Variants in TXNRD1 observed in about 807,000 individuals in gnomAD.
TXNRD1 encodes thioredoxin reductase 1.
Under a neutral mutation model 80.3 loss-of-function variants are expected in TXNRD1, and 57 were observed. That is an observed-to-expected ratio of 0.71 (90% confidence interval 0.57 to 0.89). The LOEUF (loss-of-function observed/expected upper bound fraction) is 0.89. Among genes scored for constraint, TXNRD1 ranks in the 40% least tolerant of loss-of-function variants. TXNRD1 has a pLI of 0.00. For missense variants in TXNRD1, 730 were observed against 803.0 expected (o/e 0.91, Z 1.10); for synonymous variants, 291 against 285.2 (o/e 1.02, Z -0.20).
At chr12:104,273,706 C>A (rs1325090830) in intron 3 of TXNRD1, among the ~76,000 whole-genome samples, 4 of 152,242 alleles carry the variant, frequency 2.6e-5, no homozygotes, top group African/African-American at 7.2e-5. Context: ...GCGTGGCAGC[C>A]TTCTGCAGGC....
At chr12:104,343,022 C>T (rs1452332270) in intron 16 of TXNRD1, among the ~76,000 whole-genome samples, 1 of 152,152 alleles carries the variant, frequency 6.6e-6, no homozygotes, top group Non-Finnish European at 1.5e-5. Flanking sequence ...GAAGACCACT[C>T]AGGTTTGTGT....
At chr12:104,326,601 G>A (rs930242773) in intron 12 of TXNRD1, among the ~76,000 whole-genome samples, 178 bp downstream of exon 12, 2 of 151,502 alleles carry the variant, frequency 1.3e-5, no homozygotes, top group Admixed American at 1.3e-4. Flanking sequence ...ATGTAGCTGG[G>A]ATTACAGGCA....
At chr12:104,248,669 C>G (rs1024852276) in intron 1 of TXNRD1, among the ~76,000 whole-genome samples, 3 of 152,142 alleles carry the variant, frequency 2.0e-5, no homozygotes. Flanking sequence ...CCTAGGAAGT[C>G]TTGGTTATTC....
At chr12:104,251,891 C>A (rs6539132) in intron 2 of TXNRD1, among the ~76,000 whole-genome samples, 119,105 of 151,722 alleles carry the variant, frequency 0.79, 47,070 homozygotes, top group East Asian at 0.87. Context: ...TGATGAAACC[C>A]CATCTCTACT....
chr12:104,302,034 T>G (rs1270907016), intron 4 of TXNRD1, among the ~76,000 whole-genome samples: 7 of 152,244 alleles, frequency 4.6e-5, no homozygotes, highest in Non-Finnish European at 8.8e-5. Flanking sequence ...CATCTCCGTG[T>G]AAAAACAGCT....
chr12:104,304,637 T>C, intron 4 of TXNRD1: 1 of 1,613,940 alleles, frequency 6.2e-7, no homozygotes, highest in Non-Finnish European at 8.5e-7. Flanking sequence ...CTTTCGAAAG[T>C]ATCCTGATAC....
intron 4 of TXNRD1, chr12:104,289,615 A>G (rs1014197121): frequency 2.0e-5 from 3 of 152,636 alleles, no homozygotes; most frequent in Admixed American, 6.5e-5. Flanking sequence ...GCTGGTAGCA[A>G]ACGCAGTAGA....
At chr12:104,275,141 G>T (rs2033730138) in intron 3 of TXNRD1, among the ~76,000 whole-genome samples, 1 of 151,778 alleles carries the variant, frequency 6.6e-6, no homozygotes, top group Admixed American at 6.6e-5. Context: ...AGCCAGGTGT[G>T]GTGGCGCATG....
At chr12:104,236,266 A>T (rs1032335063) in intron 1 of TXNRD1, among the ~76,000 whole-genome samples, 1 of 152,154 alleles carries the variant, frequency 6.6e-6, no homozygotes. Flanking sequence ...TTTGGGTCAG[A>T]TCTCTTTCAC....
At chr12:104,265,268 A>AT (rs2033453049) in intron 3 of TXNRD1, 1 of 1,527,024 alleles carries the variant, frequency 6.5e-7, no homozygotes, top group Admixed American at 2.1e-5. Context: ...AAAAAAAAAA[A>AT]ACTTCCTTTT....
intron 3 of TXNRD1, among the ~76,000 whole-genome samples, chr12:104,261,565 A>C (rs750117319): frequency 7.2e-5 from 11 of 152,182 alleles, no homozygotes; most frequent in Non-Finnish European, 1.6e-4. Context: ...GCGGTGACTG[A>C]AAAATCTATT....
intron 3 of TXNRD1, chr12:104,265,531 G>A (rs1402143752): frequency 1.2e-6 from 2 of 1,610,854 alleles, no homozygotes; most frequent in African/African-American, 1.3e-5. Flanking sequence ...CCCCCTGCGG[G>A]TGAAGAACTT....
At chr12:104,278,892 T>C (rs1219189751) in intron 3 of TXNRD1, among the ~76,000 whole-genome samples, 1 of 152,204 alleles carries the variant, frequency 6.6e-6, no homozygotes, top group African/African-American at 2.4e-5. Flanking sequence ...TCCTTTTCTC[T>C]GTGAAAAAGA....
chr12:104,333,238 T>C (rs1266216142), intron 14 of TXNRD1, among the ~76,000 whole-genome samples: 1 of 152,062 alleles, frequency 6.6e-6, no homozygotes, highest in African/African-American at 2.4e-5. Context: ...TGTGTGAGTG[T>C]GTATATACAT....
chr12:104,264,551 A>G (rs1185064078), intron 3 of TXNRD1, among the ~76,000 whole-genome samples: 2 of 152,242 alleles, frequency 1.3e-5, no homozygotes, highest in Non-Finnish European at 2.9e-5. Flanking sequence ...ACAGTATAAT[A>G]AAATACAAAA....
chr12:104,290,985 T>G, intron 4 of TXNRD1: 2 of 663,372 alleles, frequency 3.0e-6, no homozygotes, highest in East Asian at 2.8e-5. Context: ...AAACTTTTTT[T>G]TCTTTAGAGA....
At chr12:104,326,846 GT>G (rs1375536939) in intron 12 of TXNRD1, among the ~76,000 whole-genome samples, 1 of 151,282 alleles carries the variant, frequency 6.6e-6, no homozygotes, top group Non-Finnish European at 1.5e-5. Flanking sequence ...TGGTATGTTT[GT>G]TTTTTTGAGA....
chr12:104,295,322 T>C (rs2034401983), intron 4 of TXNRD1, among the ~76,000 whole-genome samples: 1 of 152,226 alleles, frequency 6.6e-6, no homozygotes, highest in Non-Finnish European at 1.5e-5. Flanking sequence ...CTGACTATTC[T>C]AGGCATCACC....
chr12:104,265,614 C>G (rs1431843915), intron 3 of TXNRD1: 1 of 1,607,396 alleles, frequency 6.2e-7, no homozygotes, highest in African/African-American at 1.3e-5. Context: ...ACCTGACCAC[C>G]GCAGGCGCTG....
Sources: allele counts gnomAD v4.1 joint callset (sites outside exome capture counted in the v4.1 genomes callset), GRCh38; gene constraint gnomAD v4.1.1; transcripts MANE v1.5; gene names NCBI Gene and HGNC (gene_info 2026-07-23, HGNC 2026-07-21).